CCDC141: variants seen among roughly 807,000 people sequenced by gnomAD.
The protein encoded by CCDC141 is coiled-coil domain containing 141.
CCDC141 carries 168 observed loss-of-function variants against 181.0 expected under a neutral mutation model. The ratio of observed to expected loss-of-function variants is 0.93; its 90% CI spans 0.82 to 1.05. The LOEUF (loss-of-function observed/expected upper bound fraction) is 1.05. Ranked by LOEUF, CCDC141 falls within the 50% of genes least tolerant of loss-of-function variation. The pLI is 0.00. For synonymous variants in CCDC141, 666 were observed against 642.3 expected (o/e 1.04, Z -0.56); for missense variants, 1,902 against 1,788.5 (o/e 1.06, Z -1.14).
chr2:178,905,330 T>C lies in CCDC141; in HGVS notation c.1264A>G (p.Ser422Gly). Residue 422 changes from serine (S) to glycine (G), a missense_variant and splice_region_variant, in exon 8 of 24, where the codon AGC (serine) becomes GGC (glycine). Ser to Gly is a moderately conservative substitution (Grantham distance 56, BLOSUM62 0). Transcript: ENST00000443758. Reference sequence around the variant, plus strand: ...GAGAAAGAAATCAACTTTACTCACCTGCAGGAGTCTACTTGGCTGATTAAG... The same window carrying C: ...GAGAAAGAAATCAACTTTACTCACCCGCAGGAGTCTACTTGGCTGATTAAG... Reference protein sequence around the residue: ...QTLISQVDSCSSQVSGIHEMM... With the variant: ...QTLISQVDSCGSQVSGIHEMM... The C allele has an allele frequency of 6.5e-7, 1 of 1,546,136 alleles. No individual in the cohort carries two copies.
intron 7 of CCDC141, among the ~76,000 whole-genome samples, chr2:178,909,425 T>C: frequency 6.6e-6 from 1 of 152,202 alleles, no homozygotes; most frequent in Non-Finnish European, 1.5e-5. Flanking sequence ...AGAATACCTA[T>C]TGGTACGATG....
At chr2:178,998,729 C>T (rs1445768025) in intron 2 of CCDC141, among the ~76,000 whole-genome samples, 1 of 152,044 alleles carries the variant, frequency 6.6e-6, no homozygotes, top group Non-Finnish European at 1.5e-5. Context: ...TACAGATTCA[C>T]TTTCTCTTCC....
intron 6 of CCDC141, among the ~76,000 whole-genome samples, chr2:178,920,040 T>G (rs1688615875): frequency 6.6e-6 from 1 of 152,214 alleles, no homozygotes. Flanking sequence ...TTCAATTTAT[T>G]TGAAGGGAAA....
At chr2:179,008,485 T>A (rs988509192) in intron 2 of CCDC141, among the ~76,000 whole-genome samples, 2 of 152,186 alleles carry the variant, frequency 1.3e-5, no homozygotes, top group Non-Finnish European at 2.9e-5. Context: ...TACAACTTGA[T>A]GTGCTCAAAC....
At chr2:179,023,006 T>C (rs573589597) in intron 2 of CCDC141, among the ~76,000 whole-genome samples, 80 of 152,218 alleles carry the variant, frequency 5.3e-4, no homozygotes, top group African/African-American at 1.9e-3. Flanking sequence ...CAGTTAATGA[T>C]TGAAGGGCAC....
chr2:179,043,909 A>G (rs536497847), intron 2 of CCDC141, among the ~76,000 whole-genome samples: 2 of 152,310 alleles, frequency 1.3e-5, no homozygotes, highest in East Asian at 3.9e-4. Context: ...GAAAAATCCC[A>G]CTGTCTCAGC....
intron 2 of CCDC141, among the ~76,000 whole-genome samples, chr2:179,033,319 G>GTCA (rs1180505960): frequency 6.6e-6 from 1 of 151,888 alleles, no homozygotes; most frequent in Non-Finnish European, 1.5e-5. Flanking sequence ...TATATTGTAA[G>GTCA]TCATCTATAG....
At chr2:179,037,893 C>G (rs1037053168) in intron 2 of CCDC141, among the ~76,000 whole-genome samples, 9 of 152,180 alleles carry the variant, frequency 5.9e-5, no homozygotes, top group African/African-American at 2.2e-4. Flanking sequence ...AATCGGAACA[C>G]ATATAATGTT....
At chr2:179,026,235 C>G (rs1272567110) in intron 2 of CCDC141, among the ~76,000 whole-genome samples, 1 of 152,184 alleles carries the variant, frequency 6.6e-6, no homozygotes, top group African/African-American at 2.4e-5. Flanking sequence ...CCATCACAAG[C>G]CCAGAGGCCT....
chr2:178,952,875 TTTCTC>T (rs66709762), intron 5 of CCDC141, among the ~76,000 whole-genome samples: 25,849 of 152,152 alleles, frequency 0.17, 2,274 homozygotes, highest in Middle Eastern at 0.22. Context: ...AAGGAATTTT[TTTCTC>T]TTCTTTTTTT....
At chr2:178,990,932 A>T (rs1240705199) in intron 2 of CCDC141, among the ~76,000 whole-genome samples, 1 of 152,102 alleles carries the variant, frequency 6.6e-6, no homozygotes, top group African/African-American at 2.4e-5. Context: ...CATTCTTGTC[A>T]TACTCAACAA....
rs555335696 is a variant in CCDC141 at position 178,908,281 on chromosome 2, G to A, written c.1093-2780C>T. Among the ~76,000 whole-genome samples, 5 of 152,138 alleles carry A rather than the reference G, an allele frequency of 3.3e-5. 1 individual carries two copies. The East Asian group carries it at 9.7e-4, about 29-fold the overall frequency. On this transcript the variant is annotated intron_variant, in intron 7 of 23. Coordinates refer to ENST00000443758, the MANE Select transcript of CCDC141 (RefSeq NM_173648.4). ...GCCATCTCAGCTCACTGCAACCTCC[G>A]CCTCCTGGGTTCAAGTGATTCTCGT...
intron 22 of CCDC141, among the ~76,000 whole-genome samples, chr2:178,839,609 G>GAAAA (rs1684641999): frequency 5.1e-5 from 3 of 58,710 alleles, no homozygotes; most frequent in South Asian, 7.4e-4. Flanking sequence ...AAAAAAAAAT[G>GAAAA]TGTTTTCAGG....
At chr2:179,001,013 T>A (rs1023983472) in intron 2 of CCDC141, among the ~76,000 whole-genome samples, 1 of 152,158 alleles carries the variant, frequency 6.6e-6, no homozygotes, top group Non-Finnish European at 1.5e-5. Flanking sequence ...GCCTGGGTGA[T>A]GCTCATTTGC....
At chr2:179,049,024 A>C (rs1472356175) in intron 1 of CCDC141, among the ~76,000 whole-genome samples, 1 of 152,204 alleles carries the variant, frequency 6.6e-6, no homozygotes, top group Non-Finnish European at 1.5e-5. Context: ...TCCCTTCATT[A>C]AACACTGAAT....
In CCDC141 at chr2:178,969,145, G is replaced by A. The variant is rs1188880098; in HGVS notation, c.526+5912C>T. ...AAAAAAAAAAAGCCCAGGACCAGACGGATTCACAGCTGAATTCTACCAGAG... is the reference window on the plus strand; with the variant it reads ...AAAAAAAAAAAGCCCAGGACCAGACAGATTCACAGCTGAATTCTACCAGAG... On this transcript the variant is annotated intron_variant, in intron 4 of 23. Coordinates refer to ENST00000443758, the MANE Select transcript of CCDC141 (RefSeq NM_173648.4). Among the ~76,000 whole-genome samples the A allele has an allele frequency of 8.4e-5, 12 of 142,704 alleles. No homozygotes were observed. In the East Asian group the frequency reaches 1.0e-3, roughly 12 times the overall value. The allele number at this position is 142,704 out of a possible 152,430, so 93.6% of individuals were successfully genotyped here. A position where few individuals can be genotyped will look rare whatever the true frequency, so the allele number is the denominator to read the frequency against.
the CCDC141 span, chr2:178,817,793 T>TC: frequency 4.0e-4 from 87 of 218,296 alleles, 1 homozygote; most frequent in African/African-American, 2.7e-3. Context: ...CTTCCTTCCT[T>TC]CCTCCCTCCC....
At chr2:178,910,639 T>G (rs1688180652) in intron 7 of CCDC141, among the ~76,000 whole-genome samples, 1 of 152,230 alleles carries the variant, frequency 6.6e-6, no homozygotes. Context: ...TCCCCACATC[T>G]GCCCAAGCTT....
chr2:178,923,286 A>G (rs1001829343), intron 6 of CCDC141, among the ~76,000 whole-genome samples: 2 of 151,346 alleles, frequency 1.3e-5, no homozygotes, highest in Admixed American at 6.6e-5. Context: ...TTGTATTTTT[A>G]GTAGAGACGG....
Sources: gnomAD v4.1 joint callset for allele counts (sites outside exome capture counted in the v4.1 genomes callset) on GRCh38, gnomAD v4.1.1 for gene constraint, MANE v1.5 for transcripts, NCBI Gene and HGNC (gene_info 2026-07-23, HGNC 2026-07-21) for gene names.